The following TENM2 variants were observed in gnomAD, a reference collection of about 807,000 sequenced individuals.
TENM2 encodes the protein teneurin-2.
A neutral mutation model predicts 245.2 loss-of-function variants in TENM2; 52 were observed. That is an observed-to-expected ratio of 0.21 (90% CI 0.17 to 0.27). The LOEUF is 0.27. Among genes scored for constraint, TENM2 ranks in the 10% least tolerant of loss-of-function variants. The probability of loss-of-function intolerance (pLI) is 1.00; values close to 1 mark genes in which losing one functional copy is unlikely to be tolerated. For synonymous variants in TENM2, 1,363 were observed against 1,438.9 expected (o/e 0.95, Z 1.19); for missense variants, 3,046 against 3,666.8 (o/e 0.83, Z 4.37).
At chr5:167,961,447 G>T (rs1279117758) in intron 4 of TENM2, among the ~76,000 whole-genome samples, 1 of 152,016 alleles carries the variant, frequency 6.6e-6, no homozygotes, top group Non-Finnish European at 1.5e-5. Context: ...CTATTTTTAC[G>T]TTAACAGACT....
chr5:167,445,713 C>T (rs556718242), intron 2 of TENM2, among the ~76,000 whole-genome samples: 91 of 152,258 alleles, frequency 6.0e-4, no homozygotes, highest in African/African-American at 2.2e-3. Context: ...GAGTCCACAG[C>T]CTGTGGTTTT....
the TENM2 span, among the ~76,000 whole-genome samples, chr5:167,230,154 TG>T: frequency 6.6e-6 from 1 of 152,164 alleles, no homozygotes; most frequent in South Asian, 2.1e-4. Flanking sequence ...GGACCCAGCA[TG>T]AGTTCTCTCT....
chr5:168,200,609 G>A (rs1258797427), intron 17 of TENM2, among the ~76,000 whole-genome samples: 1 of 152,174 alleles, frequency 6.6e-6, no homozygotes, highest in Admixed American at 6.5e-5. Context: ...GTGGTCAGGG[G>A]CTAGTTCATT....
rs5873049 is a variant in TENM2, at chr5:167,609,488, C to CAAAAAAAA, written c.502+234032_502+234039dup. On this transcript the variant is annotated intron_variant, in intron 2 of 28. Transcript: ENST00000518659. ...TGCCTTTTTTCTTTGCCTGATGATG[C>CAAAAAAAA]AAAAAAAAAAAAAAAAAAAAAAAAC... Among the ~76,000 whole-genome samples, 148 of 36,684 alleles carry CAAAAAAAA rather than the reference C, an allele frequency of 4.0e-3. 4 individuals are homozygous for CAAAAAAAA. The highest frequency in any genetic ancestry group is 0.032 in the East Asian group (27 of 854). 24.1% of individuals were successfully genotyped at this position (36,684 alleles called of 152,430 possible).
chr5:167,709,821 G>C (rs545951388), intron 2 of TENM2, among the ~76,000 whole-genome samples: 100 of 152,312 alleles, frequency 6.6e-4, no homozygotes, highest in Middle Eastern at 3.4e-3. Context: ...GAGAGTGAGA[G>C]AGTGTGGGAG....
rs184503609 is a variant in TENM2, at chr5:167,588,293, G to C, written c.502+212820G>C. Reference sequence around the variant, plus strand: ...TTATGGCTAATAGGCTAAGCCTGGTGACAGTGCTTAGGTCTATATATAATA... The same window carrying C: ...TTATGGCTAATAGGCTAAGCCTGGTCACAGTGCTTAGGTCTATATATAATA... On this transcript the variant is annotated intron_variant, in intron 2 of 28. Coordinates refer to ENST00000518659, the Ensembl canonical transcript of TENM2. 5.3e-5 allele frequency among the ~76,000 whole-genome samples: 8 copies of C among 152,304 alleles called. No individual in the cohort carries two copies. The East Asian group carries it at 1.5e-3, about 29-fold the overall frequency.
At chr5:167,171,480 G>T in the TENM2 span, among the ~76,000 whole-genome samples, 2 of 152,170 alleles carry the variant, frequency 1.3e-5, no homozygotes, top group Non-Finnish European at 2.9e-5. Context: ...GTTAACAAAA[G>T]AAATACATAT....
At chr5:167,379,222 G>A (rs1760948237) in intron 2 of TENM2, among the ~76,000 whole-genome samples, 1 of 152,116 alleles carries the variant, frequency 6.6e-6, no homozygotes. Flanking sequence ...GCACGTAATG[G>A]ATTTATGTAA....
At chr5:168,003,905 C>A (rs1784604028) in intron 5 of TENM2, among the ~76,000 whole-genome samples, 1 of 152,178 alleles carries the variant, frequency 6.6e-6, no homozygotes, top group Non-Finnish European at 1.5e-5. Context: ...CCTCGAGAAA[C>A]AACTTATGCT....
intron 2 of TENM2, among the ~76,000 whole-genome samples, chr5:167,504,780 T>C (rs183075419): frequency 1.4e-4 from 22 of 152,330 alleles, no homozygotes; most frequent in African/African-American, 5.3e-4. Context: ...CAAGAGGTAG[T>C]ATAGAATGTC....
intron 2 of TENM2, among the ~76,000 whole-genome samples, chr5:167,788,761 G>A (rs554436594): frequency 6.6e-6 from 1 of 151,998 alleles, no homozygotes; most frequent in Non-Finnish European, 1.5e-5. Context: ...TTATTATTTA[G>A]GGCTCTTCCT....
At chr5:168,246,062 G>A (rs562235691) in intron 26 of TENM2, among the ~76,000 whole-genome samples, 10 of 151,988 alleles carry the variant, frequency 6.6e-5, no homozygotes, top group South Asian at 4.2e-4. Flanking sequence ...GTGAAACCCC[G>A]TCTCTACTAA....
the TENM2 span, among the ~76,000 whole-genome samples, chr5:167,021,291 G>A: frequency 6.6e-6 from 1 of 152,162 alleles, no homozygotes; most frequent in Non-Finnish European, 1.5e-5. Flanking sequence ...TTGATTTGGA[G>A]GAAGTCATTA....
rs34311803 is a variant in TENM2 at position 167,569,078 on chromosome 5, C to CTTTTTTTT, written c.502+193628_502+193635dup. On this transcript the variant is annotated intron_variant, in intron 2 of 28. Transcript: ENST00000518659. ...ATCAATGAGTATCACCTTCCTACAG[C>CTTTTTTTT]TTTTTTTTTTTTTTTTTTTTTTTTT... Among the ~76,000 whole-genome samples the CTTTTTTTT allele has an allele frequency of 5.3e-4, 26 of 48,966 alleles. 3 individuals carry two copies. The highest frequency in any genetic ancestry group is 1.4e-3 in the African/African-American group (15 of 10,792). The allele number at this position is 48,966 out of a possible 152,430, so 32.1% of individuals were successfully genotyped here.
intron 27 of TENM2, among the ~76,000 whole-genome samples, chr5:168,249,000 G>A (rs1461864588): frequency 1.3e-5 from 2 of 151,960 alleles, no homozygotes; most frequent in East Asian, 3.9e-4. Context: ...ATGCCTGTAG[G>A]CCCAGCTACT....
intron 2 of TENM2, among the ~76,000 whole-genome samples, chr5:167,860,463 T>C (rs1163694552): frequency 6.2e-5 from 7 of 112,854 alleles, no homozygotes; most frequent in Middle Eastern, 5.7e-3. Context: ...GTCCGGGAGG[T>C]GAGGGGCGCC....
At chr5:168,055,470 T>C (rs993683853) in intron 6 of TENM2, among the ~76,000 whole-genome samples, 17 of 152,158 alleles carry the variant, frequency 1.1e-4, no homozygotes, top group African/African-American at 4.1e-4. Context: ...GTGATGCAGT[T>C]TTCTCTGACC....
intron 3 of TENM2, among the ~76,000 whole-genome samples, chr5:167,884,267 ATT>A (rs1211064655): frequency 2.6e-5 from 4 of 152,196 alleles, no homozygotes; most frequent in Admixed American, 1.3e-4. Context: ...ATAACATGAA[ATT>A]TACCATTTAT....
At chr5:167,547,045 C>CT (rs548106646) in intron 2 of TENM2, among the ~76,000 whole-genome samples, 4 of 152,234 alleles carry the variant, frequency 2.6e-5, no homozygotes, top group Middle Eastern at 3.4e-3. Context: ...TTGAAGTCCA[C>CT]TTTTTTTGAT....
Sources: gnomAD v4.1 joint callset for allele counts (sites outside exome capture counted in the v4.1 genomes callset) on GRCh38, gnomAD v4.1.1 for gene constraint, MANE v1.5 for transcripts, NCBI Gene and HGNC (gene_info 2026-07-23, HGNC 2026-07-21) for gene names.